The following GLIPR1L1 variants were observed in gnomAD, a reference collection of about 807,000 sequenced individuals.
GLIPR1L1 encodes GLIPR1-like protein 1.
A neutral mutation model predicts 29.9 loss-of-function variants in GLIPR1L1; 26 were observed. That is an observed-to-expected ratio of 0.87 (90% confidence interval 0.64 to 1.21). The LOEUF (loss-of-function observed/expected upper bound fraction) is 1.21, where lower values mean the gene tolerates loss of function less well. Ranked by LOEUF, GLIPR1L1 falls within the 50% of genes most tolerant of loss-of-function variation. The pLI is 0.00. For missense variants in GLIPR1L1, 305 were observed against 290.3 expected (o/e 1.05, Z -0.37); for synonymous variants, 77 against 97.5 (o/e 0.79, Z 1.24).
At position 75,347,589 on chromosome 12, in the gene GLIPR1L1, C is replaced by T. The variant is rs757062916; in HGVS notation, c.421-33C>T. On this transcript the variant is annotated intron_variant, in intron 2 of 5. Coordinates refer to ENST00000378695, the MANE Select transcript of GLIPR1L1 (RefSeq NM_001304964.2). Reference sequence around the variant, plus strand: ...GCATTGTTTGCATAGAATTGTTTTCCATATTTTATCTTGACATTCCTTTTC... The same window carrying T: ...GCATTGTTTGCATAGAATTGTTTTCTATATTTTATCTTGACATTCCTTTTC... 1.4e-5 allele frequency: 19 copies of T among 1,389,722 alleles called. 1 individual carries two copies. In the Admixed American group the frequency reaches 2.9e-4, roughly 21 times the overall value. 86.1% of individuals were successfully genotyped at this position (1,389,722 alleles called of 1,614,324 possible).
At chr12:75,335,115 C>A (rs886586574) in intron 1 of GLIPR1L1, among the ~76,000 whole-genome samples, 5 of 152,118 alleles carry the variant, frequency 3.3e-5, no homozygotes, top group African/African-American at 4.8e-5. Flanking sequence ...TTGCCTCTTG[C>A]GGGGAAGGTG....
At chr12:75,340,519 CT>C (rs1368502460) in intron 1 of GLIPR1L1, among the ~76,000 whole-genome samples, 1 of 151,780 alleles carries the variant, frequency 6.6e-6, no homozygotes, top group Admixed American at 6.6e-5. Context: ...ATGAAACTTC[CT>C]CATATAATGA....
At chr12:75,367,010 G>A (rs1242319267) in intron 4 of GLIPR1L1, 2 of 701,356 alleles carry the variant, frequency 2.9e-6, no homozygotes, top group African/African-American at 3.5e-5. Context: ...TCAGAGCTGA[G>A]GAGGTAAGTC....
intron 3 of GLIPR1L1, among the ~76,000 whole-genome samples, chr12:75,347,924 A>T (rs2042563429): frequency 6.6e-6 from 1 of 152,150 alleles, no homozygotes; most frequent in African/African-American, 2.4e-5. Context: ...CTATTATAAG[A>T]TATTTAAACT....
At chr12:75,339,453 T>A (rs543452557) in intron 1 of GLIPR1L1, among the ~76,000 whole-genome samples, 7 of 152,252 alleles carry the variant, frequency 4.6e-5, no homozygotes, top group African/African-American at 1.7e-4. Flanking sequence ...GGGTTGTTCT[T>A]TAAATTTATT....
chr12:75,345,528 C>A (rs1315024706), intron 2 of GLIPR1L1, among the ~76,000 whole-genome samples: 1 of 152,092 alleles, frequency 6.6e-6, no homozygotes, highest in Non-Finnish European at 1.5e-5. Context: ...GGTCTTAAAG[C>A]AACTTGTTCT....
At chr12:75,369,580 A>G in intron 4 of GLIPR1L1, 1 of 984,758 alleles carries the variant, frequency 1.0e-6, no homozygotes, top group Non-Finnish European at 1.2e-6. Context: ...GGACCATTAC[A>G]GAAATGAATG....
intron 4 of GLIPR1L1, 34 bp downstream of exon 4, chr12:75,363,224 GAGAGT>G: frequency 1.0e-6 from 1 of 979,490 alleles, no homozygotes; most frequent in African/African-American, 1.7e-5. Context: ...ATTACATTTA[GAGAGT>G]AAAGTTTCCA....
intron 4 of GLIPR1L1, chr12:75,365,324 T>G (rs977299352): frequency 6.6e-6 from 1 of 152,086 alleles, no homozygotes; most frequent in Non-Finnish European, 1.5e-5. Flanking sequence ...TAAAAAAGAA[T>G]GTGTGTGTTA....
At chr12:75,359,493 T>C (rs1403851440) in intron 3 of GLIPR1L1, among the ~76,000 whole-genome samples, 1 of 149,208 alleles carries the variant, frequency 6.7e-6, no homozygotes, top group Non-Finnish European at 1.5e-5. Flanking sequence ...AGTGCAAAAA[T>C]TTTGAATAAC....
At chr12:75,369,792 A>ACC in intron 4 of GLIPR1L1, 168 bp from the exon 5 acceptor site, 1 of 983,058 alleles carries the variant, frequency 1.0e-6, no homozygotes. Flanking sequence ...GAAGCATCGT[A>ACC]AAGAGTTTTA....
chr12:75,349,328 A>G (rs995446854), intron 3 of GLIPR1L1, among the ~76,000 whole-genome samples: 15 of 152,228 alleles, frequency 9.9e-5, no homozygotes, highest in African/African-American at 3.6e-4. Flanking sequence ...AAATGATTAT[A>G]AAAGCACAGA....
At chr12:75,351,507 C>G (rs1264804098) in intron 3 of GLIPR1L1, among the ~76,000 whole-genome samples, 3 of 151,942 alleles carry the variant, frequency 2.0e-5, no homozygotes, top group African/African-American at 4.8e-5. Context: ...ATCCTAAAAA[C>G]CAGAAGAGAT....
intron 1 of GLIPR1L1, among the ~76,000 whole-genome samples, chr12:75,335,707 T>G (rs1291009421): frequency 6.6e-6 from 1 of 152,052 alleles, no homozygotes; most frequent in Non-Finnish European, 1.5e-5. Flanking sequence ...AAAATTATAT[T>G]TTGATGGAGA....
At chr12:75,362,260 G>A (rs1000529448) in intron 3 of GLIPR1L1, among the ~76,000 whole-genome samples, 2 of 151,972 alleles carry the variant, frequency 1.3e-5, no homozygotes, top group Non-Finnish European at 2.9e-5. Context: ...ACATTAAAAT[G>A]CTCATCATCA....
At chr12:75,363,968 T>C (rs1020217687) in intron 4 of GLIPR1L1, among the ~76,000 whole-genome samples, 1 of 152,160 alleles carries the variant, frequency 6.6e-6, no homozygotes, top group African/African-American at 2.4e-5. Context: ...TGATTGGCAA[T>C]TGGTTGAGTT....
intron 2 of GLIPR1L1, among the ~76,000 whole-genome samples, chr12:75,344,518 A>T (rs1227670958): frequency 6.6e-6 from 1 of 151,916 alleles, no homozygotes. Context: ...TTTCTCTTTC[A>T]TCTAGCTTTT....
intron 2 of GLIPR1L1, 121 bp from the exon 3 acceptor site, chr12:75,347,501 C>T (rs1475755096): frequency 4.3e-6 from 2 of 460,798 alleles, no homozygotes; most frequent in African/African-American, 2.1e-5. Context: ...AAATATGTAA[C>T]TAATAAATAT....
intron 3 of GLIPR1L1, among the ~76,000 whole-genome samples, chr12:75,349,307 G>A (rs1420044652): frequency 6.6e-6 from 1 of 152,122 alleles, no homozygotes; most frequent in African/African-American, 2.4e-5. Flanking sequence ...TCCCACATAA[G>A]AAATGATTGA....
Sources: gnomAD v4.1 joint callset for allele counts (sites outside exome capture counted in the v4.1 genomes callset) on GRCh38, gnomAD v4.1.1 for gene constraint, MANE v1.5 for transcripts, NCBI Gene and HGNC (gene_info 2026-07-23, HGNC 2026-07-21) for gene names.